LHX4: variants seen among roughly 807,000 people sequenced by gnomAD.
LHX4 encodes the protein LIM/homeobox protein Lhx4.
Under a neutral mutation model 39.2 loss-of-function variants are expected in LHX4, and 16 were observed. The observed-to-expected ratio is 0.41, with a 90% CI of 0.28 to 0.62. The LOEUF is 0.62. Among genes scored for constraint, LHX4 ranks in the 20% least tolerant of loss-of-function variants. The probability of loss-of-function intolerance (pLI) is 0.33; values close to 1 mark genes in which losing one functional copy is unlikely to be tolerated. For missense variants in LHX4, 439 were observed against 511.9 expected (o/e 0.86, Z 1.37); for synonymous variants, 206 against 198.1 (o/e 1.04, Z -0.33).
At position 180,274,221 on chromosome 1, in the gene LHX4, G is replaced by A. The variant is rs746499170; in HGVS notation, c.815G>A (p.Arg272Lys). Reference protein sequence around the residue: ...QILSELGHTNRIYGNVGDVTG... With the variant: ...QILSELGHTNKIYGNVGDVTG... Reference sequence around the variant, plus strand: ...CTCTCAGAACTTGGCCACACCAATAGGATTTATGGCAACGTGGGGGACGTT... The same window carrying A: ...CTCTCAGAACTTGGCCACACCAATAAGATTTATGGCAACGTGGGGGACGTT... Residue 272 changes from arginine to lysine, a missense_variant, in exon 6 of 6, where the codon AGG becomes AAG. Physicochemically the swap from Arg to Lys is conservative, Grantham distance 26 (BLOSUM62 2). Coordinates refer to ENST00000263726, the MANE Select transcript of LHX4 (RefSeq NM_033343.4). The A allele has an allele frequency of 6.2e-7, 1 of 1,614,230 alleles. No homozygotes were observed. Among genetic ancestry groups the A allele is most frequent in the East Asian group, 2.2e-5 (1 of 44,890 alleles).
At chr1:180,229,700 C>T (rs1664117248), upstream of LHX4, among the ~76,000 whole-genome samples, 1 of 151,704 alleles carries the variant, frequency 6.6e-6, no homozygotes, top group Non-Finnish European at 1.5e-5. Context: ...CGAGAGCGCG[C>T]AAGGCGAAGA....
Position 180,278,345 on chromosome 1 carries a change from CTT to C in LHX4, c.*3768_*3769del, listed in dbSNP as rs1649166671. On this transcript the variant is annotated 3_prime_UTR_variant, in exon 6 of 6. Transcript: ENST00000263726. ...TGAAAAGCACATCACTGGCTCTCTTCTTTCTTGGATTGGTCAATTGGCCCTTT... is the reference window on the plus strand; with the variant it reads ...TGAAAAGCACATCACTGGCTCTCTTCTCTTGGATTGGTCAATTGGCCCTTT... 6.7e-6 allele frequency: 1 copy of C among 149,996 alleles called. No homozygotes were observed. The highest frequency in any genetic ancestry group is 1.5e-5 in the Non-Finnish European group (1 of 67,576). 9.3% of individuals were successfully genotyped at this position (149,996 alleles called of 1,614,324 possible).
In LHX4 at chr1:180,277,462, G is replaced by A. The variant is rs374658124; in HGVS notation, c.*2883G>A. On this transcript the variant is annotated 3_prime_UTR_variant, in exon 6 of 6. Coordinates refer to ENST00000263726, the MANE Select transcript of LHX4 (RefSeq NM_033343.4). ...CAGTGCCTGGCTGGTCGACTTTAGA[G>A]TAGGAAGCTCTTGAATCCAGGAGCA... is the stretch of plus-strand genomic sequence containing the variant. 2 of 152,332 alleles carry A rather than the reference G, an allele frequency of 1.3e-5. No individual in the cohort carries two copies. The highest frequency in any genetic ancestry group is 4.1e-4 in the South Asian group (2 of 4,822). 9.4% of individuals were successfully genotyped at this position (152,332 alleles called of 1,614,324 possible). A position where few individuals can be genotyped will look rare whatever the true frequency, so the allele number is the denominator to read the frequency against.
intron 5 of LHX4, 52 bp from the exon 6 acceptor site, chr1:180,274,112 CCTAGGTTGTGAAGAGCAGGGG>C (rs1648869555): frequency 2.5e-6 from 4 of 1,580,554 alleles, no homozygotes; most frequent in Non-Finnish European, 3.5e-6. Context: ...CATGTGTGTT[CCTAGGTTGTGAAGAGCAGGGG>C]ACCATCAGAG....
At chr1:180,228,747 C>A (rs989268346), upstream of LHX4, among the ~76,000 whole-genome samples, 1 of 152,172 alleles carries the variant, frequency 6.6e-6, no homozygotes, top group African/African-American at 2.4e-5. Flanking sequence ...GCAGCGCAGA[C>A]GACCAGGCCA....
chr1:180,272,451 G>GT (rs997203550), intron 5 of LHX4, among the ~76,000 whole-genome samples: 6 of 152,148 alleles, frequency 3.9e-5, no homozygotes, highest in Admixed American at 2.0e-4. Context: ...TGCTCCACAG[G>GT]TTTTTTCCTG....
intron 1 of LHX4, among the ~76,000 whole-genome samples, chr1:180,237,873 C>T (rs1193753562): frequency 2.6e-5 from 4 of 152,148 alleles, no homozygotes; most frequent in Non-Finnish European, 5.9e-5. Context: ...CAGAGTGAGA[C>T]ATTAGAAAAA....
At chr1:180,253,337 G>T (rs1647703975) in intron 2 of LHX4, among the ~76,000 whole-genome samples, 1 of 152,226 alleles carries the variant, frequency 6.6e-6, no homozygotes, top group Non-Finnish European at 1.5e-5. Context: ...CCTGGAAGGA[G>T]CCAGGCAGCT....
intron 1 of LHX4, 36 bp from the exon 2 acceptor site, chr1:180,248,249 A>G (rs1284191140): frequency 1.2e-6 from 2 of 1,609,734 alleles, no homozygotes; most frequent in Non-Finnish European, 1.7e-6. Flanking sequence ...GGCTGTGTGG[A>G]AGGCTCACAG....
At chr1:180,265,876 T>C (rs1365860571) in intron 2 of LHX4, among the ~76,000 whole-genome samples, 1 of 152,190 alleles carries the variant, frequency 6.6e-6, no homozygotes, top group African/African-American at 2.4e-5. Flanking sequence ...GCTGACAAAG[T>C]GCATTTTCTC....
intron 2 of LHX4, among the ~76,000 whole-genome samples, chr1:180,259,097 C>T (rs375427716): frequency 1.3e-5 from 2 of 151,628 alleles, no homozygotes; most frequent in African/African-American, 4.8e-5. Context: ...CCCAGGGGAG[C>T]GGGGTGGGCA....
At chr1:180,263,510 C>T (rs1240082436) in intron 2 of LHX4, among the ~76,000 whole-genome samples, 3 of 152,026 alleles carry the variant, frequency 2.0e-5, no homozygotes, top group Admixed American at 6.6e-5. Context: ...GCATGCGGCT[C>T]CCTCGGCAAG....
chr1:180,268,310 G>A (rs2149264016), intron 3 of LHX4, among the ~76,000 whole-genome samples: 1 of 152,326 alleles, frequency 6.6e-6, no homozygotes, highest in East Asian at 1.9e-4. Flanking sequence ...TGGACTCTGA[G>A]CACTCTCAGC....
rs547031008 is a variant in LHX4, at chr1:180,278,473, C to CACTA, written c.*3896_*3899dup. ...ATCCACACTCTGCTTGGTAGGACCA[C>CACTA]ACTAAAAGCACAGTTTCATGCTGCT... is the stretch of plus-strand genomic sequence containing the variant. On this transcript the variant is annotated 3_prime_UTR_variant, in exon 6 of 6. Transcript: ENST00000263726. 9.2e-5 allele frequency: 14 copies of CACTA among 152,230 alleles called. No individual in the cohort carries two copies. The highest frequency in any genetic ancestry group is 8.5e-4 in the Admixed American group (13 of 15,290). 9.4% of individuals were successfully genotyped at this position (152,230 alleles called of 1,614,324 possible). A position where few individuals can be genotyped will look rare whatever the true frequency, so the allele number is the denominator to read the frequency against.
At chr1:180,260,300 G>A (rs545127456) in intron 2 of LHX4, among the ~76,000 whole-genome samples, 5 of 151,742 alleles carry the variant, frequency 3.3e-5, no homozygotes, top group Admixed American at 2.0e-4. Flanking sequence ...CTCAGAGGTC[G>A]GAACTTACCA....
At chr1:180,271,203 T>G (rs1571293192) in intron 3 of LHX4, 177 bp from the exon 4 acceptor site, 1 of 704,188 alleles carries the variant, frequency 1.4e-6, no homozygotes, top group Non-Finnish European at 2.6e-6. Flanking sequence ...AGGCCCGTGG[T>G]GCAGGAGTCA....
chr1:180,274,406 G>A lies in LHX4; in HGVS notation c.1000G>A (p.Val334Met). 1 of 1,614,210 alleles carries A rather than the reference G, an allele frequency of 6.2e-7. No individual in the cohort carries two copies. The highest frequency in any genetic ancestry group is 1.6e-4 in the Middle Eastern group (1 of 6,062). The change falls in exon 6 of 6, where the codon GTG (valine) becomes ATG (methionine). Residue 334 changes from valine to methionine, a missense_variant. Transcript: ENST00000263726. The stretch of plus-strand genomic sequence containing the variant: ...TTTGCTCAATGGGCTGGATTACACG[G>A]TGGACAGTAATTTGGGCATCATTGC... ...APLLNGLDYT[V>M]DSNLGIIAHA...
intron 2 of LHX4, among the ~76,000 whole-genome samples, chr1:180,258,211 G>A (rs1647950518): frequency 6.6e-6 from 1 of 152,218 alleles, no homozygotes; most frequent in Non-Finnish European, 1.5e-5. Context: ...GGAAGGAAGT[G>A]CTGAGGGGGA....
At position 180,259,728 on chromosome 1, in the gene LHX4, G is replaced by T. The variant is rs114194576; in HGVS notation, c.249-6664G>T. Among the ~76,000 whole-genome samples the T allele has an allele frequency of 7.9e-4, 120 of 151,898 alleles. 2 individuals are homozygous for T. The highest frequency in any genetic ancestry group is 3.4e-3 in the Middle Eastern group (1 of 294). ...GGGCGGAGAGAGGGCAGGGTCCAGGGTGTGTGGGGAGGGACAGGTGGGATC... is the reference window on the plus strand; with the variant it reads ...GGGCGGAGAGAGGGCAGGGTCCAGGTTGTGTGGGGAGGGACAGGTGGGATC... On this transcript the variant is annotated intron_variant, in intron 2 of 5. Transcript: ENST00000263726.
Sources: allele counts gnomAD v4.1 joint callset (sites outside exome capture counted in the v4.1 genomes callset), GRCh38; gene constraint gnomAD v4.1.1; transcripts MANE v1.5; gene names NCBI Gene and HGNC (gene_info 2026-07-23, HGNC 2026-07-21).